Variants in CSMD3 observed in about 807,000 individuals in gnomAD.
CSMD3 encodes the protein CUB and sushi domain-containing protein 3.
CSMD3 carries 177 observed loss-of-function variants against 435.2 expected under a neutral mutation model. That is an observed-to-expected ratio of 0.41 (90% confidence interval 0.36 to 0.46). The LOEUF (loss-of-function observed/expected upper bound fraction) is 0.46. Ranked by LOEUF, CSMD3 falls within the 20% of genes least tolerant of loss-of-function variation. The pLI is 0.34. For missense variants in CSMD3, 4,265 were observed against 4,504.6 expected, an observed-to-expected ratio of 0.95 and a Z score of 1.52; for synonymous variants, 1,656 against 1,520.5, an observed-to-expected ratio of 1.09 and a Z score of -2.07.
In CSMD3 at chr8:113,413,943, G is replaced by A. The variant is rs147569333; in HGVS notation, c.178+22734C>T. On this transcript the variant is annotated intron_variant, in intron 1 of 70. Transcript: ENST00000297405. ...TTTCAAGTGAAAGGAGAATGAAAAT[G>A]ATTTTTACCCTTTAAAGATCTTACC... Among the ~76,000 whole-genome samples the A allele has an allele frequency of 6.2e-4, 94 of 152,266 alleles. 1 individual carries two copies. The highest frequency in any genetic ancestry group is 1.7e-3 in the African/African-American group (69 of 41,566).
chr8:112,601,716 CAT>C (rs1832367219), intron 22 of CSMD3, among the ~76,000 whole-genome samples: 1 of 152,042 alleles, frequency 6.6e-6, no homozygotes, highest in African/African-American at 2.4e-5. Context: ...TCAATTTAAA[CAT>C]ATTAATTTTC....
intron 64 of CSMD3, among the ~76,000 whole-genome samples, chr8:112,246,105 G>T (rs1226963297): frequency 7.6e-6 from 1 of 132,436 alleles, no homozygotes; most frequent in Non-Finnish European, 1.6e-5. Context: ...CACATTCTGA[G>T]GAATTCTCCT....
intron 10 of CSMD3, among the ~76,000 whole-genome samples, chr8:112,903,527 A>G (rs1031267588): frequency 7.9e-5 from 12 of 151,272 alleles, no homozygotes; most frequent in African/African-American, 2.7e-4. Flanking sequence ...AGAGGTTACC[A>G]TAAGACCTCA....
chr8:112,345,927 T>C (rs1394442970), intron 41 of CSMD3, among the ~76,000 whole-genome samples, 170 bp downstream of exon 41: 1 of 152,190 alleles, frequency 6.6e-6, no homozygotes. Context: ...TGTATTTGAC[T>C]TAAGCAACAA....
Position 113,034,561 on chromosome 8 carries a change from A to G in CSMD3, c.918-15382T>C, listed in dbSNP as rs572005440. ...GTGGTGGAGATGGGGAGTTACTGCTAGTGAGTGTATGTTTTCTGCTAGGAG... is the reference window on the plus strand; with the variant it reads ...GTGGTGGAGATGGGGAGTTACTGCTGGTGAGTGTATGTTTTCTGCTAGGAG... On this transcript the variant is annotated intron_variant, in intron 5 of 70. Coordinates refer to ENST00000297405, the MANE Select transcript of CSMD3 (RefSeq NM_198123.2). Among the ~76,000 whole-genome samples, 4 of 152,266 alleles carry G rather than the reference A, an allele frequency of 2.6e-5. No homozygotes were observed. In the East Asian group the frequency reaches 7.7e-4, roughly 29 times the overall value.
In CSMD3 at chr8:112,363,400, CAT is replaced by C. The variant is rs567213185; in HGVS notation, c.6137-10868_6137-10867del. 1.5e-3 allele frequency among the ~76,000 whole-genome samples: 233 copies of C among 152,006 alleles called. 1 individual carries two copies. Among genetic ancestry groups the C allele is most frequent in the African/African-American group, 4.8e-3 (198 of 41,500 alleles). On this transcript the variant is annotated intron_variant, in intron 38 of 70. Transcript: ENST00000297405. ...TTCTGTTTAAGATCAAGAGATTTCA[CAT>C]GTGTGCTCTAGTAGTATTAATACAA...
At chr8:113,032,188 G>T (rs1408538786) in intron 5 of CSMD3, among the ~76,000 whole-genome samples, 1 of 151,662 alleles carries the variant, frequency 6.6e-6, no homozygotes, top group African/African-American at 2.4e-5. Context: ...AAGATAACCT[G>T]AAAATGAGGA....
chr8:113,191,569 A>AAAAAC (rs2092585444), intron 3 of CSMD3, among the ~76,000 whole-genome samples: 1 of 151,568 alleles, frequency 6.6e-6, no homozygotes, highest in Non-Finnish European at 1.5e-5. Flanking sequence ...TTGCCAAAAA[A>AAAAAC]AAAACAAAAC....
At chr8:112,978,721 A>G (rs1164166911) in intron 6 of CSMD3, among the ~76,000 whole-genome samples, 1 of 151,952 alleles carries the variant, frequency 6.6e-6, no homozygotes, top group Non-Finnish European at 1.5e-5. Flanking sequence ...TTTACTAACC[A>G]GTTCTTATGT....
At chr8:113,303,586 A>G (rs1047923700) in intron 2 of CSMD3, among the ~76,000 whole-genome samples, 3 of 146,596 alleles carry the variant, frequency 2.0e-5, no homozygotes, top group Non-Finnish European at 4.5e-5. Flanking sequence ...GGAACAGAAC[A>G]GAGCCCTCAG....
chr8:112,598,935 G>A (rs1160249154), intron 22 of CSMD3, among the ~76,000 whole-genome samples: 6 of 150,224 alleles, frequency 4.0e-5, no homozygotes, highest in Admixed American at 1.3e-4. Flanking sequence ...AACCTAGGCA[G>A]TACCATTCAG....
chr8:113,145,539 G>A (rs115688009), intron 4 of CSMD3, among the ~76,000 whole-genome samples: 1,532 of 151,548 alleles, frequency 0.01, 19 homozygotes, highest in African/African-American at 0.035. Context: ...TTGTAAAGAC[G>A]TATTTTGCAC....
chr8:113,008,073 A>C (rs1388180297), intron 6 of CSMD3, among the ~76,000 whole-genome samples: 2 of 151,736 alleles, frequency 1.3e-5, no homozygotes, highest in Non-Finnish European at 2.9e-5. Context: ...ATGCATTTAG[A>C]AGTACTAAAA....
chr8:113,095,918 G>A (rs1351393), intron 5 of CSMD3, among the ~76,000 whole-genome samples: 69,156 of 151,770 alleles, frequency 0.46, 17,699 homozygotes, highest in East Asian at 0.86. Context: ...TAACTGTACT[G>A]TATTGTTTTT....
At chr8:112,655,091 T>C in intron 18 of CSMD3, among the ~76,000 whole-genome samples, 1 of 152,066 alleles carries the variant, frequency 6.6e-6, no homozygotes, top group Admixed American at 6.6e-5. Flanking sequence ...AGTCAAACAA[T>C]ACTGTAGATA....
chr8:112,928,955 T>G (rs2083005448), intron 9 of CSMD3, among the ~76,000 whole-genome samples: 1 of 129,606 alleles, frequency 7.7e-6, no homozygotes, highest in Non-Finnish European at 1.7e-5. Flanking sequence ...ACCTGTTGTT[T>G]CCTGACTTTT....
intron 13 of CSMD3, among the ~76,000 whole-genome samples, chr8:112,736,367 G>A (rs2077185345): frequency 6.6e-6 from 1 of 152,020 alleles, no homozygotes; most frequent in Admixed American, 6.6e-5. Context: ...GTTTAATCAT[G>A]CTCTGACCTC....
chr8:113,035,953 C>A (rs1175273511), intron 5 of CSMD3, among the ~76,000 whole-genome samples: 1 of 151,964 alleles, frequency 6.6e-6, no homozygotes, highest in Admixed American at 6.5e-5. Context: ...ATTCTCAATA[C>A]ATTCCATTCC....
chr8:112,693,370 T>C (rs2076180568), intron 13 of CSMD3, among the ~76,000 whole-genome samples: 1 of 152,078 alleles, frequency 6.6e-6, no homozygotes, highest in African/African-American at 2.4e-5. Flanking sequence ...GAATAGGTCC[T>C]TCTTCATCTG....
Sources: gnomAD v4.1 joint callset for allele counts (sites outside exome capture counted in the v4.1 genomes callset) on GRCh38, gnomAD v4.1.1 for gene constraint, MANE v1.5 for transcripts, NCBI Gene and HGNC (gene_info 2026-07-23, HGNC 2026-07-21) for gene names.